The following LAT variants were observed in gnomAD, a reference collection of about 807,000 sequenced individuals.
LAT encodes the protein linker for activation of T cells, also known as linker for activation of T-cells family member 1.
A neutral mutation model predicts 39.1 loss-of-function variants in LAT; 12 were observed. That is an observed-to-expected ratio of 0.31 (90% confidence interval 0.20 to 0.50). The LOEUF (loss-of-function observed/expected upper bound fraction) is 0.50, where lower values mean the gene tolerates loss of function less well. LAT is among the 20% of genes least tolerant of loss of function. The pLI, the probability that LAT is intolerant of heterozygous loss-of-function variation, is 0.98. For missense variants in LAT, 253 were observed against 308.0 expected (o/e 0.82, Z 1.34); for synonymous variants, 117 against 123.8 (o/e 0.95, Z 0.36).
rs879046225 is a variant in LAT at position 28,990,365 on chromosome 16, C to G, written c.*184C>G. Reference sequence around the variant, plus strand: ...GTTCGGCCTGTGTCCCCCGAACGCTCTGCACCTTCTGACGCAGCCTGAGAA... The same window carrying G: ...GTTCGGCCTGTGTCCCCCGAACGCTGTGCACCTTCTGACGCAGCCTGAGAA... On this transcript the variant is annotated 3_prime_UTR_variant, in exon 12 of 12. Coordinates refer to ENST00000395456, the MANE Select transcript of LAT (RefSeq NM_001014987.2). The G allele has an allele frequency of 2.1e-6, 1 of 475,788 alleles. No homozygotes were observed. Among genetic ancestry groups the G allele is most frequent in the South Asian group, 1.7e-5 (1 of 57,554 alleles). 29.5% of individuals were successfully genotyped at this position (475,788 alleles called of 1,614,324 possible). A position where few individuals can be genotyped will look rare whatever the true frequency, so the allele number is the denominator to read the frequency against.
At position 28,985,819 on chromosome 16, in the gene LAT, C is replaced by T. The variant is rs754122326; in HGVS notation, c.129-35C>T. The T allele has an allele frequency of 2.5e-5, 40 of 1,613,944 alleles. No homozygotes were observed. In the East Asian group the frequency reaches 8.5e-4, roughly 34 times the overall value. ...GGCTGGGGCTTCCATCCTCCATCTTCCAGCCCCATCCCCAAGCTGTGTCTC... is the reference window on the plus strand; with the variant it reads ...GGCTGGGGCTTCCATCCTCCATCTTTCAGCCCCATCCCCAAGCTGTGTCTC... On this transcript the variant is annotated intron_variant, in intron 2 of 11. Coordinates refer to ENST00000395456, the MANE Select transcript of LAT (RefSeq NM_001014987.2). The surrounding 1 kb of genome is among the most constrained non-coding windows in gnomAD (Gnocchi z 4.6).
rs760258056 is a variant in LAT, at chr16:28,990,027, GCCTGCCCTGTCCCCAC to G, written c.*7+18_*7+33del. ...AGCTGAACTGAGGGCCTGGTGAGAG[GCCTGCCCTGTCCCCAC>G]CCTGCCCTGGGCCCACAGGCTCTAC... is the stretch of plus-strand genomic sequence containing the variant. On this transcript the variant is annotated intron_variant, in intron 11 of 11. Coordinates refer to ENST00000395456, the MANE Select transcript of LAT (RefSeq NM_001014987.2). 7 of 1,608,092 alleles carry G rather than the reference GCCTGCCCTGTCCCCAC, an allele frequency of 4.4e-6. 1 individual carries two copies. The South Asian group carries it at 6.6e-5, about 15-fold the overall frequency.
In LAT at chr16:28,986,745, G is replaced by A; in HGVS notation, c.398+31G>A. 13 of 1,609,802 alleles carry A rather than the reference G, an allele frequency of 8.1e-6. No homozygotes were observed. The highest frequency in any genetic ancestry group is 1.1e-5 in the Non-Finnish European group (13 of 1,177,184). On this transcript the variant is annotated intron_variant, in intron 7 of 11. Coordinates refer to ENST00000395456, the MANE Select transcript of LAT (RefSeq NM_001014987.2). The surrounding 1 kb of genome is among the most constrained non-coding windows in gnomAD (Gnocchi z 5.7). ...TGGCCAGGTGGGAGGTGGGAGGTGA[G>A]GGCTGAGGCTGTGCGTCCCCCCTTG...
chr16:28,989,694 C>A, intron 9 of LAT, 80 bp from the exon 10 acceptor site: 1 of 1,589,342 alleles, frequency 6.3e-7, no homozygotes, highest in Non-Finnish European at 8.6e-7. Context: ...CCTCTGCCCC[C>A]TCTGTCTGGG....
In LAT at chr16:28,986,188, C is replaced by A; in HGVS notation, c.217C>A (p.Leu73Met). ...CCCACCTGTCACCTCCTACCCACCC[C>A]TGAGCCAGCCAGACCTGCTCCCCAT... is the stretch of plus-strand genomic sequence containing the variant. ...AYPPVTSYPP[L>M]SQPDLLPIPR... Residue 73 changes from leucine to methionine, a missense_variant, in exon 4 of 12, where the codon CTG becomes ATG. Transcript: ENST00000395456. This position sits in a 1 kb window ranked among gnomAD's most constrained non-coding sequence, Gnocchi z 5.7. 1 of 1,603,226 alleles carries A rather than the reference C, an allele frequency of 6.2e-7. No homozygotes were observed. Among genetic ancestry groups the A allele is most frequent in the African/African-American group, 1.3e-5 (1 of 74,812 alleles).
At position 28,985,766 on chromosome 16, in the gene LAT, T is replaced by C; in HGVS notation, c.128+26T>C. 6.2e-7 allele frequency: 1 copy of C among 1,613,932 alleles called. No individual in the cohort carries two copies. The highest frequency in any genetic ancestry group is 8.5e-7 in the Non-Finnish European group (1 of 1,179,942). On this transcript the variant is annotated intron_variant, in intron 2 of 11. Transcript: ENST00000395456. This position sits in a 1 kb window ranked among gnomAD's most constrained non-coding sequence, Gnocchi z 4.6. ...GTGAGTCCGCCCCAGCCGCCCTGGG[T>C]CTCCCTCCACACCCCATGGCGGGGC...
chr16:28,989,900 G>A, intron 10 of LAT, 33 bp from the exon 11 acceptor site: 1 of 1,613,666 alleles, frequency 6.2e-7, no homozygotes. Context: ...GGGATAGCTT[G>A]CAAGCTGGAG....
Position 28,989,523 on chromosome 16 carries a change from A to G in LAT, c.494-4A>G, listed in dbSNP as rs1255130896. 1 of 1,604,146 alleles carries G rather than the reference A, an allele frequency of 6.2e-7. No individual in the cohort carries two copies. The highest frequency in any genetic ancestry group is 1.7e-5 in the Admixed American group (1 of 58,824). Reference sequence around the variant, plus strand: ...GTGCCGAGGTGGGCCTGGCTTTTCCACAGTGGAGTCCATTGATGATTACGT... The same window carrying G: ...GTGCCGAGGTGGGCCTGGCTTTTCCGCAGTGGAGTCCATTGATGATTACGT... On this transcript the variant is annotated splice_polypyrimidine_tract_variant and splice_region_variant and intron_variant, in intron 8 of 11. Coordinates refer to ENST00000395456, the MANE Select transcript of LAT (RefSeq NM_001014987.2).
At position 28,986,578 on chromosome 16, in the gene LAT, G is replaced by A. The variant is rs1252369371; in HGVS notation, c.340+9G>A. On this transcript the variant is annotated intron_variant, in intron 6 of 11. Transcript: ENST00000395456. This position sits in a 1 kb window ranked among gnomAD's most constrained non-coding sequence, Gnocchi z 5.7. The stretch of plus-strand genomic sequence containing the variant: ...GAGCTACGAGAACGAGGGTGCGTCT[G>A]GGATCCGAGGTGCCCAGGCTGGGTG... The A allele has an allele frequency of 6.2e-7, 1 of 1,613,262 alleles. No individual in the cohort carries two copies. Among genetic ancestry groups the A allele is most frequent in the Non-Finnish European group, 8.5e-7 (1 of 1,179,514 alleles).
chr16:28,985,779 C>T lies in LAT; in HGVS notation c.128+39C>T. ...AGCCGCCCTGGGTCTCCCTCCACACCCCATGGCGGGGCAGGGCTGGGGCTT... is the reference window on the plus strand; with the variant it reads ...AGCCGCCCTGGGTCTCCCTCCACACTCCATGGCGGGGCAGGGCTGGGGCTT... On this transcript the variant is annotated intron_variant, in intron 2 of 11. Transcript: ENST00000395456. This position sits in a 1 kb window ranked among gnomAD's most constrained non-coding sequence, Gnocchi z 4.6. 1 of 1,613,890 alleles carries T rather than the reference C, an allele frequency of 6.2e-7. No individual in the cohort carries two copies. Among genetic ancestry groups the T allele is most frequent in the Non-Finnish European group, 8.5e-7 (1 of 1,179,786 alleles).
Position 28,986,733 on chromosome 16 carries a change from G to C in LAT, c.398+19G>C, listed in dbSNP as rs761044704. The C allele has an allele frequency of 6.2e-7, 1 of 1,611,016 alleles. No individual in the cohort carries two copies. The highest frequency in any genetic ancestry group is 8.5e-7 in the Non-Finnish European group (1 of 1,177,940). ...GCTACCTGTGAGTGGCCAGGTGGGA[G>C]GTGGGAGGTGAGGGCTGAGGCTGTG... On this transcript the variant is annotated intron_variant, in intron 7 of 11. Coordinates refer to ENST00000395456, the MANE Select transcript of LAT (RefSeq NM_001014987.2). This position sits in a 1 kb window ranked among gnomAD's most constrained non-coding sequence, Gnocchi z 5.7.
intron 8 of LAT, chr16:28,988,479 G>A (rs1466748533): frequency 6.6e-6 from 1 of 152,338 alleles, no homozygotes; most frequent in Non-Finnish European, 1.5e-5. Flanking sequence ...GGGAGGCCAA[G>A]GTGGGGGGAT....
At position 28,986,947 on chromosome 16, in the gene LAT, G is replaced by T; in HGVS notation, c.493+54G>T. On this transcript the variant is annotated intron_variant, in intron 8 of 11. Coordinates refer to ENST00000395456, the MANE Select transcript of LAT (RefSeq NM_001014987.2). The surrounding 1 kb of genome is among the most constrained non-coding windows in gnomAD (Gnocchi z 5.7). ...AATTTTTTTAGGGATAGGCTGGAGT[G>T]CAGTGGTGCCATTGTAGCTCGCTGC... is the stretch of plus-strand genomic sequence containing the variant. 2 of 1,437,352 alleles carry T rather than the reference G, an allele frequency of 1.4e-6. No homozygotes were observed. Among genetic ancestry groups the T allele is most frequent in the Non-Finnish European group, 1.9e-6 (2 of 1,039,584 alleles). The allele number at this position is 1,437,352 out of a possible 1,614,324, so 89.0% of individuals were successfully genotyped here. A position where few individuals can be genotyped will look rare whatever the true frequency, so the allele number is the denominator to read the frequency against.
intron 11 of LAT, 82 bp downstream of exon 11, chr16:28,990,101 A>T (rs1185168177): frequency 8.6e-7 from 1 of 1,163,366 alleles, no homozygotes; most frequent in Non-Finnish European, 1.2e-6. Context: ...GCCCAACCCT[A>T]CCTCTGGCTT....
Position 28,986,863 on chromosome 16 carries a change from AC to A in LAT, c.467del (p.Pro156LeufsTer17), listed in dbSNP as rs1965773264. 6.2e-7 allele frequency: 1 copy of A among 1,613,664 alleles called. No homozygotes were observed. Among genetic ancestry groups the A allele is most frequent in the Non-Finnish European group, 8.5e-7 (1 of 1,179,930 alleles). On this transcript the variant is annotated frameshift_variant, in exon 8 of 12. Coordinates refer to ENST00000395456, the MANE Select transcript of LAT (RefSeq NM_001014987.2). LOFTEE classifies it high-confidence loss of function. The surrounding 1 kb of genome is among the most constrained non-coding windows in gnomAD (Gnocchi z 5.7). ...TAAPSAPALS[T>X]PGIRDSAFSM... ...TGCCCCATCAGCTCCTGCACTCAGC[AC>A]CCCTGGCATCCGAGACAGTGCCTTC...
chr16:28,984,808 C>T, upstream of LAT: 1 of 1,517,430 alleles, frequency 6.6e-7, no homozygotes, highest in Non-Finnish European at 8.9e-7. Flanking sequence ...CCTTTGTACC[C>T]CAGAATTCCC....
chr16:28,989,666 C>T (rs1965830070), intron 9 of LAT, 77 bp downstream of exon 9: 1 of 1,582,084 alleles, frequency 6.3e-7, no homozygotes, highest in African/African-American at 1.3e-5. Context: ...CCAGATCCCA[C>T]CCTGGGGCTA....
chr16:28,990,213 C>G lies in LAT; in HGVS notation c.*32C>G. 1 of 706,766 alleles carries G rather than the reference C, an allele frequency of 1.4e-6. No individual in the cohort carries two copies. Among genetic ancestry groups the G allele is most frequent in the Non-Finnish European group, 2.6e-6 (1 of 390,538 alleles). 43.8% of individuals were successfully genotyped at this position (706,766 alleles called of 1,614,324 possible). A position where few individuals can be genotyped will look rare whatever the true frequency, so the allele number is the denominator to read the frequency against. On this transcript the variant is annotated 3_prime_UTR_variant, in exon 12 of 12. Coordinates refer to ENST00000395456, the MANE Select transcript of LAT (RefSeq NM_001014987.2). The stretch of plus-strand genomic sequence containing the variant: ...GTGGAGGCCGAGTCTGTCCTGGAAC[C>G]AGGCTTGCCTGGGACGGCTGAGCTG...
chr16:28,984,998 C>T (rs895532513), upstream of LAT: 71 of 1,432,562 alleles, frequency 5.0e-5, no homozygotes, highest in African/African-American at 9.1e-4. Flanking sequence ...GGGAAGGGGG[C>T]GGGTGCAGCC....
Sources: allele counts gnomAD v4.1 joint callset, GRCh38; gene constraint gnomAD v4.1.1; non-coding constraint Gnocchi (gnomAD v3.1); transcripts MANE v1.5; gene names NCBI Gene and HGNC (gene_info 2026-07-23, HGNC 2026-07-21).